XKR4: variants seen among roughly 807,000 people sequenced by gnomAD.
XKR4 encodes the protein XK related 4.
XKR4 carries 12 observed loss-of-function variants against 53.9 expected under a neutral mutation model. The ratio of observed to expected loss-of-function variants is 0.22; its 90% confidence interval spans 0.14 to 0.36. The LOEUF (loss-of-function observed/expected upper bound fraction) is 0.36, where lower values mean the gene tolerates loss of function less well. Among genes scored for constraint, XKR4 ranks in the 10% least tolerant of loss-of-function variants. XKR4 has a pLI of 1.00. For synonymous variants in XKR4, 354 were observed against 362.4 expected (o/e 0.98, Z 0.26); for missense variants, 799 against 859.5 (o/e 0.93, Z 0.88).
intron 2 of XKR4, among the ~76,000 whole-genome samples, chr8:55,388,671 G>T (rs114645698): frequency 1.2e-3 from 176 of 152,242 alleles, no homozygotes; most frequent in African/African-American, 4.1e-3. Flanking sequence ...CCTCCCAAAG[G>T]CCCCACTTCC....
chr8:55,354,709 CA>C (rs144272182), intron 1 of XKR4, among the ~76,000 whole-genome samples: 12,010 of 142,168 alleles, frequency 0.084, 1,382 homozygotes, highest in African/African-American at 0.27. Context: ...GACAATGAAA[CA>C]AAAAAAAAAC....
intron 1 of XKR4, among the ~76,000 whole-genome samples, chr8:55,124,809 C>T (rs777526040): frequency 6.6e-6 from 1 of 152,104 alleles, no homozygotes; most frequent in Non-Finnish European, 1.5e-5. Context: ...GAATTCCTGG[C>T]CTCAAGCAAT....
intron 1 of XKR4, among the ~76,000 whole-genome samples, chr8:55,177,658 C>T (rs113021678): frequency 0.012 from 1,898 of 152,300 alleles, 16 homozygotes; most frequent in Middle Eastern, 0.034. Flanking sequence ...TGTCATTCCT[C>T]GTAGGCAGCC....
intron 1 of XKR4, among the ~76,000 whole-genome samples, chr8:55,144,055 A>G (rs1227135267): frequency 6.6e-6 from 1 of 152,196 alleles, no homozygotes; most frequent in Non-Finnish European, 1.5e-5. Flanking sequence ...TTATCGCAGC[A>G]GACTTTTGGC....
At chr8:55,114,020 T>C (rs1368950614) in intron 1 of XKR4, among the ~76,000 whole-genome samples, 2 of 152,202 alleles carry the variant, frequency 1.3e-5, no homozygotes, top group East Asian at 3.8e-4. Flanking sequence ...TTGTGAATGG[T>C]GCTGCAGTGA....
intron 2 of XKR4, among the ~76,000 whole-genome samples, chr8:55,393,400 TAAGAAGGAAGGAAGGAAGGAAGGA>T (rs1172301650): frequency 7.4e-6 from 1 of 135,162 alleles, no homozygotes; most frequent in Non-Finnish European, 1.6e-5. Flanking sequence ...ATATACTTCT[TAAGAAGGAAGGAAGGAAGGAAGGA>T]AGGAAGGAAG....
intron 1 of XKR4, among the ~76,000 whole-genome samples, chr8:55,199,612 A>T (rs1415736630): frequency 6.6e-6 from 1 of 152,170 alleles, no homozygotes; most frequent in Admixed American, 6.5e-5. Flanking sequence ...AAGTAACAGG[A>T]TCTGAGCACT....
intron 2 of XKR4, among the ~76,000 whole-genome samples, chr8:55,491,205 T>C (rs1176285453): frequency 1.3e-5 from 2 of 152,248 alleles, no homozygotes; most frequent in Non-Finnish European, 2.9e-5. Context: ...TCTTTCCTCA[T>C]GATGTCCATG....
intron 2 of XKR4, among the ~76,000 whole-genome samples, chr8:55,391,752 A>T (rs1804445774): frequency 1.3e-5 from 2 of 152,226 alleles, no homozygotes; most frequent in African/African-American, 4.8e-5. Context: ...CTAAAATATT[A>T]AAATAAGCAT....
At chr8:55,151,037 T>A (rs1816833359) in intron 1 of XKR4, among the ~76,000 whole-genome samples, 2 of 152,206 alleles carry the variant, frequency 1.3e-5, no homozygotes, top group African/African-American at 4.8e-5. Context: ...CAACTTGCAC[T>A]CAGTATTTAA....
intron 1 of XKR4, among the ~76,000 whole-genome samples, chr8:55,181,853 C>T (rs1399053508): frequency 6.6e-6 from 1 of 151,898 alleles, no homozygotes; most frequent in Non-Finnish European, 1.5e-5. Flanking sequence ...AATCTTCTCC[C>T]ATGTGAATCC....
chr8:55,435,593 G>A (rs1399365621), intron 2 of XKR4, among the ~76,000 whole-genome samples: 1 of 143,766 alleles, frequency 7.0e-6, no homozygotes, highest in Admixed American at 7.1e-5. Context: ...ATTTTGAGAT[G>A]TGGTCTTGCT....
chr8:55,518,363 T>G (rs1291957628), intron 2 of XKR4, among the ~76,000 whole-genome samples: 1 of 152,232 alleles, frequency 6.6e-6, no homozygotes, highest in Non-Finnish European at 1.5e-5. Flanking sequence ...TGGAATACTC[T>G]TTCTTTTTTT....
rs376808740 is a variant in XKR4 at position 55,102,614 on chromosome 8, G to C, written c.126G>C (p.Ser42=). 3 of 1,432,856 alleles carry C rather than the reference G, an allele frequency of 2.1e-6. No individual in the cohort carries two copies. The highest frequency in any genetic ancestry group is 2.9e-5 in the African/African-American group (2 of 68,494). 88.8% of individuals were successfully genotyped at this position (1,432,856 alleles called of 1,614,324 possible). A position where few individuals can be genotyped will look rare whatever the true frequency, so the allele number is the denominator to read the frequency against. The part of the protein sequence containing the change: ...QGLAPGLPSG[S]GAEDEEAAGG... ...TGGCTCCAGGCTTGCCGTCGGGGTC[G>C]GGAGCCGAGGACGAGGAGGCGGCCG... The change falls in exon 1 of 3, where the codon TCG becomes TCC. Residue 42 remains serine (S), a synonymous_variant. Coordinates refer to ENST00000327381, the MANE Select transcript of XKR4 (RefSeq NM_052898.2). This position sits in a 1 kb window ranked among gnomAD's most constrained non-coding sequence, Gnocchi z 5.1.
intron 1 of XKR4, among the ~76,000 whole-genome samples, chr8:55,223,946 G>C (rs754622043): frequency 6.6e-6 from 1 of 152,002 alleles, no homozygotes; most frequent in Non-Finnish European, 1.5e-5. Flanking sequence ...CTCACAAGCA[G>C]AAAAGAAAAG....
At chr8:55,477,208 A>G (rs1806006635) in intron 2 of XKR4, among the ~76,000 whole-genome samples, 1 of 152,114 alleles carries the variant, frequency 6.6e-6, no homozygotes, top group Non-Finnish European at 1.5e-5. Context: ...CAGAGGAACG[A>G]GGCAGCAGCA....
intron 2 of XKR4, among the ~76,000 whole-genome samples, chr8:55,402,256 G>C (rs574689003): frequency 7.2e-5 from 11 of 152,346 alleles, no homozygotes; most frequent in African/African-American, 2.2e-4. Context: ...CTGCCCCTGC[G>C]TGGAGGATAG....
chr8:55,470,815 A>G (rs1260549822), intron 2 of XKR4, among the ~76,000 whole-genome samples: 1 of 152,076 alleles, frequency 6.6e-6, no homozygotes, highest in African/African-American at 2.4e-5. Flanking sequence ...ATTTACTTTG[A>G]CAGACAAGGA....
chr8:55,236,776 A>G (rs935615585), intron 1 of XKR4, among the ~76,000 whole-genome samples: 1 of 151,960 alleles, frequency 6.6e-6, no homozygotes, highest in Non-Finnish European at 1.5e-5. Context: ...AAATATTGCT[A>G]TTTGTCTTCT....
Sources: gnomAD v4.1 joint callset for allele counts (sites outside exome capture counted in the v4.1 genomes callset) on GRCh38, gnomAD v4.1.1 for gene constraint, Gnocchi (gnomAD v3.1) non-coding constraint, MANE v1.5 for transcripts, NCBI Gene and HGNC (gene_info 2026-07-23, HGNC 2026-07-21) for gene names.